The following CCDC192 variants were observed in gnomAD, a reference collection of about 807,000 sequenced individuals.
CCDC192 encodes the protein coiled-coil domain containing 192.
At chr5:127,837,958 A>G (rs978960773) in intron 5 of CCDC192, among the ~76,000 whole-genome samples, 4 of 150,266 alleles carry the variant, frequency 2.7e-5, no homozygotes, top group South Asian at 4.3e-4. Flanking sequence ...ACTGCACTCC[A>G]GCACTCCAGC....
At chr5:127,806,665 C>T (rs999241315) in intron 5 of CCDC192, among the ~76,000 whole-genome samples, 7 of 152,004 alleles carry the variant, frequency 4.6e-5, no homozygotes, top group African/African-American at 7.3e-5. Flanking sequence ...GCTGAAAAAT[C>T]GGATGGGAAC....
At position 127,799,369 on chromosome 5, in the gene CCDC192, T is replaced by A. The variant is rs185317351; in HGVS notation, c.411+1207T>A. ...TTTTTTGGGCTTGTATGTTCAATTG[T>A]CCAATATTGAAAATGACTAAGGCTT... On this transcript the variant is annotated intron_variant, in intron 5 of 6. Transcript: ENST00000514853. Among the ~76,000 whole-genome samples, 48 of 152,290 alleles carry A rather than the reference T, an allele frequency of 3.2e-4. No homozygotes were observed. In the East Asian group the frequency reaches 6.6e-3, roughly 21 times the overall value.
At chr5:127,750,089 A>G (rs1296945345) in intron 2 of CCDC192, among the ~76,000 whole-genome samples, 2 of 152,226 alleles carry the variant, frequency 1.3e-5, no homozygotes, top group African/African-American at 4.8e-5. Context: ...AATTTTTTGA[A>G]GAGTTTTTTG....
In CCDC192 at chr5:127,798,177, C is replaced by A; in HGVS notation, c.411+15C>A. On this transcript the variant is annotated intron_variant, in intron 5 of 6. Coordinates refer to ENST00000514853, the MANE Select transcript of CCDC192 (RefSeq NM_001317938.2). ...TTATAGCCCAGGTAAGTGTTTTCCT[C>A]CTTTTTTCATCCCTTTATTTATGTC... is the stretch of plus-strand genomic sequence containing the variant. 2.5e-6 allele frequency: 1 copy of A among 398,226 alleles called. No homozygotes were observed. Among genetic ancestry groups the A allele is most frequent in the Non-Finnish European group, 4.4e-6 (1 of 225,514 alleles). The allele number at this position is 398,226 out of a possible 1,614,324, so 24.7% of individuals were successfully genotyped here.
At chr5:127,855,197 A>G (rs1177623091) in intron 5 of CCDC192, among the ~76,000 whole-genome samples, 3 of 152,216 alleles carry the variant, frequency 2.0e-5, no homozygotes, top group Non-Finnish European at 4.4e-5. Context: ...TGTTTCCCAT[A>G]GCAGAACTTC....
chr5:127,752,562 TTTTG>T (rs1430247082), intron 2 of CCDC192, among the ~76,000 whole-genome samples: 2 of 152,174 alleles, frequency 1.3e-5, no homozygotes, highest in African/African-American at 2.4e-5. Flanking sequence ...ACTGCTGTCT[TTTTG>T]TTTGTCTGTG....
intron 3 of CCDC192, among the ~76,000 whole-genome samples, chr5:127,776,382 A>G (rs1755858230): frequency 6.6e-6 from 1 of 152,190 alleles, no homozygotes; most frequent in South Asian, 2.1e-4. Flanking sequence ...TAGCAGAAGA[A>G]ATTTCTAAGC....
intron 5 of CCDC192, among the ~76,000 whole-genome samples, chr5:127,807,831 A>C (rs754413310): frequency 6.6e-6 from 1 of 152,120 alleles, no homozygotes; most frequent in Non-Finnish European, 1.5e-5. Flanking sequence ...ATTTTCAGAT[A>C]TGTAACTTAA....
chr5:127,788,920 C>T (rs912813286), intron 3 of CCDC192, among the ~76,000 whole-genome samples: 2 of 152,196 alleles, frequency 1.3e-5, no homozygotes, highest in African/African-American at 4.8e-5. Flanking sequence ...TTGGAATCCT[C>T]ATGATGGAAT....
chr5:127,823,293 C>G lies in CCDC192; in HGVS notation c.411+25131C>G, dbSNP rs185274191. On this transcript the variant is annotated intron_variant, in intron 5 of 6. Coordinates refer to ENST00000514853, the MANE Select transcript of CCDC192 (RefSeq NM_001317938.2). ...ACAGAGCCTGGAGCTGTTTACAACT[C>G]GCCTCTTTCCTCTACCATCTGCCCA... Among the ~76,000 whole-genome samples the G allele has an allele frequency of 2.0e-5, 3 of 152,166 alleles. No individual in the cohort carries two copies. The East Asian group carries it at 5.8e-4, about 29-fold the overall frequency.
rs941366413 is a variant in CCDC192, at chr5:127,786,998, A to G, written c.223-10105A>G. Reference sequence around the variant, plus strand: ...GGTCATCCAGATCTGGTCTAAGCCAATCTGCTTCAGGCCATGGGGGTTCTG... The same window carrying G: ...GGTCATCCAGATCTGGTCTAAGCCAGTCTGCTTCAGGCCATGGGGGTTCTG... On this transcript the variant is annotated intron_variant, in intron 3 of 6. Transcript: ENST00000514853. The G allele has an allele frequency of 2.8e-5, 10 of 355,550 alleles. No homozygotes were observed. The South Asian group carries it at 2.9e-4, about 10-fold the overall frequency. 22.0% of individuals were successfully genotyped at this position (355,550 alleles called of 1,614,324 possible). A position where few individuals can be genotyped will look rare whatever the true frequency, so the allele number is the denominator to read the frequency against.
At chr5:127,825,731 CTAGT>C (rs1749497298) in intron 5 of CCDC192, among the ~76,000 whole-genome samples, 1 of 152,176 alleles carries the variant, frequency 6.6e-6, no homozygotes, top group Non-Finnish European at 1.5e-5. Context: ...AAGATTTTTA[CTAGT>C]TAAATAGAAG....
chr5:127,802,367 C>CT (rs2126981324), intron 5 of CCDC192, among the ~76,000 whole-genome samples: 1 of 152,260 alleles, frequency 6.6e-6, no homozygotes, highest in South Asian at 2.1e-4. Context: ...AAAGTCTAAC[C>CT]TCCTGACCAT....
At chr5:127,905,820 A>G (rs1015023741) in intron 6 of CCDC192, among the ~76,000 whole-genome samples, 12 of 152,198 alleles carry the variant, frequency 7.9e-5, no homozygotes, top group Non-Finnish European at 7.3e-5. Flanking sequence ...GGATTACCCA[A>G]TTTCACTCCT....
intron 2 of CCDC192, among the ~76,000 whole-genome samples, chr5:127,710,593 G>A (rs1751267026): frequency 6.6e-6 from 1 of 151,946 alleles, no homozygotes; most frequent in South Asian, 2.1e-4. Flanking sequence ...CATCAAAATG[G>A]CTCTCGATCG....
At chr5:127,744,882 C>T (rs1194340029) in intron 2 of CCDC192, among the ~76,000 whole-genome samples, 1 of 152,230 alleles carries the variant, frequency 6.6e-6, no homozygotes, top group Non-Finnish European at 1.5e-5. Flanking sequence ...CGTTCCATCA[C>T]TCAACCTCGT....
At chr5:127,904,598 G>C (rs1265994080) in intron 6 of CCDC192, among the ~76,000 whole-genome samples, 2 of 150,986 alleles carry the variant, frequency 1.3e-5, no homozygotes, top group Non-Finnish European at 2.9e-5. Context: ...CACCTCCTGG[G>C]TTCAAGCCAT....
intron 5 of CCDC192, among the ~76,000 whole-genome samples, chr5:127,869,263 G>T (rs903375457): frequency 6.6e-6 from 1 of 152,212 alleles, no homozygotes; most frequent in African/African-American, 2.4e-5. Context: ...GGTGGAGGTT[G>T]CAGCGAGCTG....
At chr5:127,937,981 G>A (rs1754231573) in intron 6 of CCDC192, among the ~76,000 whole-genome samples, 1 of 152,170 alleles carries the variant, frequency 6.6e-6, no homozygotes, top group African/African-American at 2.4e-5. Flanking sequence ...CAGGCACAGT[G>A]AGGTTCCAAT....
Sources: allele counts gnomAD v4.1 joint callset (sites outside exome capture counted in the v4.1 genomes callset), GRCh38; gene constraint gnomAD v4.1.1; transcripts MANE v1.5; gene names NCBI Gene and HGNC (gene_info 2026-07-23, HGNC 2026-07-21).